The following TLE2 variants were observed in gnomAD, a reference collection of about 807,000 sequenced individuals.
TLE2 encodes transducin-like enhancer protein 2.
A neutral mutation model predicts 97.2 loss-of-function variants in TLE2; 74 were observed. That is an observed-to-expected ratio of 0.76 (90% CI 0.63 to 0.92). TLE2 has a LOEUF of 0.92. Ranked by LOEUF, TLE2 falls within the 40% of genes least tolerant of loss-of-function variation. The pLI is 0.00. For missense variants in TLE2, 1,038 were observed against 1,008.7 expected, an observed-to-expected ratio of 1.03 and a Z score of -0.39; for synonymous variants, 499 against 432.1, an observed-to-expected ratio of 1.15 and a Z score of -1.92.
intron 1 of TLE2, among the ~76,000 whole-genome samples, chr19:3,039,043 CA>C (rs201422900): frequency 2.3e-5 from 3 of 130,914 alleles, no homozygotes; most frequent in African/African-American, 3.0e-5. Context: ...AACCACGACT[CA>C]AAAAAAAAAT....
intron 19 of TLE2, among the ~76,000 whole-genome samples, chr19:2,999,689 T>G (rs1470261915): frequency 6.9e-6 from 1 of 145,290 alleles, no homozygotes; most frequent in Non-Finnish European, 1.5e-5. Context: ...ATAGTGCCGC[T>G]GCACTCCAGC....
At chr19:3,044,951 C>T (rs1429145161) in intron 1 of TLE2, among the ~76,000 whole-genome samples, 2 of 152,196 alleles carry the variant, frequency 1.3e-5, no homozygotes. Flanking sequence ...GGCGCGGTGG[C>T]TCATGACTGT....
In TLE2 at chr19:3,037,688, G is replaced by C. The variant is rs368015523; in HGVS notation, c.63+8038C>G. Reference sequence around the variant, plus strand: ...CTCAGGAACTCCAGCCTCTCCCTGAGTAAGAACTGGGCGGCTGGGGGAGAA... The same window carrying C: ...CTCAGGAACTCCAGCCTCTCCCTGACTAAGAACTGGGCGGCTGGGGGAGAA... On this transcript the variant is annotated intron_variant, in intron 1 of 18. Coordinates refer to the TLE2 transcript ENST00000426948. Among the ~76,000 whole-genome samples the C allele has an allele frequency of 3.3e-5, 5 of 152,214 alleles. No homozygotes were observed. In the East Asian group the frequency reaches 7.7e-4, roughly 23 times the overall value.
rs113170939 is a variant in TLE2, at chr19:3,035,884, A to AGG, written c.64-7083_64-7082dup. Among the ~76,000 whole-genome samples the AGG allele has an allele frequency of 4.8e-4, 73 of 151,826 alleles. 1 individual carries two copies. The highest frequency in any genetic ancestry group is 1.7e-3 in the South Asian group (8 of 4,798). On this transcript the variant is annotated intron_variant, in intron 1 of 18. Coordinates refer to the TLE2 transcript ENST00000426948. ...CGCCCGAGCTCGACCGGATTGGAGG[A>AGG]GGGGGGGCTAAGGCTCCATTATTAT...
At chr19:3,034,503 G>T (rs1458035707) in intron 1 of TLE2, among the ~76,000 whole-genome samples, 1 of 151,038 alleles carries the variant, frequency 6.6e-6, no homozygotes, top group African/African-American at 2.4e-5. Context: ...CCTAATTTGT[G>T]TCCTTTCTTT....
intron 1 of TLE2, among the ~76,000 whole-genome samples, chr19:3,036,179 G>C (rs990736521): frequency 2.0e-5 from 3 of 152,346 alleles, no homozygotes; most frequent in Admixed American, 2.0e-4. Context: ...GTAGTCAGGG[G>C]TGGAGGGGGG....
intron 14 of TLE2, 39 bp downstream of exon 14, chr19:3,008,830 C>T (rs1291409062): frequency 6.7e-6 from 10 of 1,482,752 alleles, no homozygotes; most frequent in Middle Eastern, 1.9e-4. Context: ...GGGGGGCTGG[C>T]CCGGGACCCC....
At position 3,005,825 on chromosome 19, in the gene TLE2, T is replaced by C; in HGVS notation, c.1644A>G (p.Pro548=). 1 of 1,613,980 alleles carries C rather than the reference T, an allele frequency of 6.2e-7. No individual in the cohort carries two copies. Among genetic ancestry groups the C allele is most frequent in the Non-Finnish European group, 8.5e-7 (1 of 1,179,874 alleles). Residue 548 remains proline, a synonymous_variant, in exon 16 of 20, where the codon CCA becomes CCG. Coordinates refer to ENST00000262953, the MANE Select transcript of TLE2 (RefSeq NM_003260.5). The part of the protein sequence containing the change: ...RIKAELTSSA[P]ACYALAVSPD... ...GGCTGACGGCCAGGGCGTAGCAGGCTGGGGCTGAGGAAGTCAGCTCGGCCT... is the reference window on the plus strand; with the variant it reads ...GGCTGACGGCCAGGGCGTAGCAGGCCGGGGCTGAGGAAGTCAGCTCGGCCT...
At chr19:3,000,164 T>C (rs692919) in intron 19 of TLE2, among the ~76,000 whole-genome samples, 55,647 of 150,778 alleles carry the variant, frequency 0.37, 12,697 homozygotes, top group African/African-American at 0.64. Context: ...CTCCACCTCC[T>C]GGGTTCATGC....
rs1323964321 is a variant in TLE2 at position 3,019,201 on chromosome 19, CTGA to C, written c.550+79_550+81del. On this transcript the variant is annotated intron_variant, in intron 7 of 19. Transcript: ENST00000262953. The surrounding 1 kb of genome is among the most constrained non-coding windows in gnomAD (Gnocchi z 5.1). The stretch of plus-strand genomic sequence containing the variant: ...GCATGAGCCACTTCATCCCCTCACG[CTGA>C]TGTTTGCTACCCTGGACTGCCAGTC... 1 of 1,510,142 alleles carries C rather than the reference CTGA, an allele frequency of 6.6e-7. No homozygotes were observed. Among genetic ancestry groups the C allele is most frequent in the African/African-American group, 1.4e-5 (1 of 72,422 alleles). The allele number at this position is 1,510,142 out of a possible 1,614,324, so 93.5% of individuals were successfully genotyped here.
intron 13 of TLE2, 57 bp from the exon 14 acceptor site, chr19:3,009,002 C>A (rs1271361498): frequency 5.1e-6 from 7 of 1,377,818 alleles, no homozygotes; most frequent in Non-Finnish European, 6.9e-6. Flanking sequence ...CACCTCTGTG[C>A]CACCCCACGC....
rs894741260 is a variant in TLE2, at chr19:3,025,084, T to C, written c.232-2A>G. ...GCTCAGACGCTTCACAATCTCCGCCTGGCAGGAAGCAATGAGAGGAAGCTT... is the reference window on the plus strand; with the variant it reads ...GCTCAGACGCTTCACAATCTCCGCCCGGCAGGAAGCAATGAGAGGAAGCTT... On this transcript the variant is annotated splice_acceptor_variant, in intron 4 of 19. Transcript: ENST00000262953. LOFTEE classifies it high-confidence loss of function. 9 of 1,601,268 alleles carry C rather than the reference T, an allele frequency of 5.6e-6. No homozygotes were observed. The highest frequency in any genetic ancestry group is 6.0e-6 in the Non-Finnish European group (7 of 1,173,920).
chr19:2,997,972 G>A lies in TLE2; in HGVS notation c.2125-17C>T, dbSNP rs201001610. The stretch of plus-strand genomic sequence containing the variant: ...CTCCTTGGACTGCCAAGGGAAGGGA[G>A]AGAGAAAAGGGCACAGTGAGGCATG... On this transcript the variant is annotated splice_polypyrimidine_tract_variant and intron_variant, in intron 19 of 19. Coordinates refer to ENST00000262953, the MANE Select transcript of TLE2 (RefSeq NM_003260.5). 32 of 1,583,476 alleles carry A rather than the reference G, an allele frequency of 2.0e-5. No individual in the cohort carries two copies. The East Asian group carries it at 5.6e-4, about 28-fold the overall frequency.
intron 11 of TLE2, among the ~76,000 whole-genome samples, chr19:3,011,660 G>A (rs2089600319): frequency 6.6e-6 from 1 of 151,788 alleles, no homozygotes; most frequent in Non-Finnish European, 1.5e-5. Flanking sequence ...GGCCAGCCTG[G>A]CGAACATGGT....
chr19:3,025,584 C>G, intron 4 of TLE2: 1 of 986,468 alleles, frequency 1.0e-6, no homozygotes, highest in South Asian at 4.7e-5. Context: ...GTGGAGATCT[C>G]AGCACGCCAC....
At chr19:3,045,783 C>T (rs1329590276) in exon 1 of TLE2, 5 of 436,266 alleles carry the variant, frequency 1.1e-5, no homozygotes, top group African/African-American at 8.0e-5. Flanking sequence ...GCCGTGATTG[C>T]ACCATTGCAC....
chr19:3,029,407 G>T (rs1312300444), upstream of TLE2: 4 of 571,364 alleles, frequency 7.0e-6, no homozygotes, highest in African/African-American at 2.2e-5. Context: ...CCGGGCACCC[G>T]CCCCCTTCCT....
chr19:3,028,657 C>T lies in TLE2; in HGVS notation c.122+49G>A, dbSNP rs1367380247. The T allele has an allele frequency of 3.7e-6, 6 of 1,604,502 alleles. No homozygotes were observed. The African/African-American group carries it at 4.0e-5, about 11-fold the overall frequency. On this transcript the variant is annotated intron_variant, in intron 2 of 19. Coordinates refer to ENST00000262953, the MANE Select transcript of TLE2 (RefSeq NM_003260.5). ...CCTATACCCCGGAGGCCTCGCCCCG[C>T]CCCGGCGCCCAGGTGAACTCCCGCG... is the stretch of plus-strand genomic sequence containing the variant.
intron 1 of TLE2, among the ~76,000 whole-genome samples, chr19:3,040,954 C>T (rs2090095477): frequency 7.1e-6 from 1 of 140,560 alleles, no homozygotes; most frequent in East Asian, 2.1e-4. Context: ...CTGTCACCAA[C>T]CCCAGAGTGG....
Sources: allele counts gnomAD v4.1 joint callset (sites outside exome capture counted in the v4.1 genomes callset), GRCh38; gene constraint gnomAD v4.1.1; non-coding constraint Gnocchi (gnomAD v3.1); transcripts MANE v1.5; gene names NCBI Gene and HGNC (gene_info 2026-07-23, HGNC 2026-07-21).